MUC6: variants seen among roughly 807,000 people sequenced by gnomAD.
The protein encoded by MUC6 is mucin 6, oligomeric mucus/gel-forming (gene/pseudogene).
Under a neutral mutation model 201.5 loss-of-function variants are expected in MUC6, and 188 were observed. The observed-to-expected ratio is 0.93, with a 90% CI of 0.83 to 1.05. MUC6 has a LOEUF of 1.05. Ranked by LOEUF, MUC6 falls within the 50% of genes least tolerant of loss-of-function variation. MUC6 has a pLI of 0.00. For missense variants in MUC6, 2,706 were observed against 3,256.9 expected (o/e 0.83, Z 4.12); for synonymous variants, 1,228 against 1,389.4 (o/e 0.88, Z 2.58).
chr11:1,021,110 G>A lies in MUC6; in HGVS notation c.3589+105C>T, dbSNP rs1188649356. 9.6e-6 allele frequency: 11 copies of A among 1,148,980 alleles called. No homozygotes were observed. In the East Asian group the frequency reaches 3.0e-4, roughly 32 times the overall value. The allele number at this position is 1,148,980 out of a possible 1,614,324, so 71.2% of individuals were successfully genotyped here. ...GTGGAGTCCCAGAGCTCACGTAAGGGCTCACAGCCCCCGAGGGCTCTCTCC... is the reference window on the plus strand; with the variant it reads ...GTGGAGTCCCAGAGCTCACGTAAGGACTCACAGCCCCCGAGGGCTCTCTCC... On this transcript the variant is annotated intron_variant, in intron 27 of 32. Coordinates refer to ENST00000421673, the MANE Select transcript of MUC6 (RefSeq NM_005961.3).
In MUC6 at chr11:1,028,738, G is replaced by A. The variant is rs746306435; in HGVS notation, c.1499C>T (p.Ala500Val). ...CACGAGCTCCAGCCCGAAGCTGGTG[G>A]CCATCTGGAGGTGGGTGGACGTCTG... ...FRQTSTHLQM[A>V]TSFGLELVVQ... Residue 500 changes from alanine (A) to valine (V), a missense_variant, in exon 13 of 33, where the codon GCC becomes GTC. By Grantham distance (64) the Ala-to-Val change is moderately conservative. Transcript: ENST00000421673. 7 of 1,612,448 alleles carry A rather than the reference G, an allele frequency of 4.3e-6. No individual in the cohort carries two copies. In the East Asian group the frequency reaches 1.1e-4, roughly 26 times the overall value.
intron 26 of MUC6, among the ~76,000 whole-genome samples, chr11:1,021,506 G>C (rs549932805): frequency 6.6e-6 from 1 of 151,966 alleles, no homozygotes; most frequent in Admixed American, 6.6e-5. Flanking sequence ...AGGTAGCTGC[G>C]ATTGCAGGCA....
intron 24 of MUC6, among the ~76,000 whole-genome samples, chr11:1,024,627 G>C (rs1187969991): frequency 6.6e-6 from 1 of 152,208 alleles, no homozygotes; most frequent in Non-Finnish European, 1.5e-5. Flanking sequence ...CATCTGGTGG[G>C]TGGAGGCCGG....
chr11:1,024,169 C>T, intron 24 of MUC6, 66 bp from the exon 25 acceptor site: 2 of 1,536,866 alleles, frequency 1.3e-6, no homozygotes, highest in South Asian at 1.2e-5. Context: ...GCTTTGCCAC[C>T]TGCAGGGCCC....
Position 1,025,201 on chromosome 11 carries a change from C to G in MUC6, c.2966G>C (p.Arg989Thr), listed in dbSNP as rs1200153655. 1 of 1,612,292 alleles carries G rather than the reference C, an allele frequency of 6.2e-7. No individual in the cohort carries two copies. Among genetic ancestry groups the G allele is most frequent in the African/African-American group, 1.3e-5 (1 of 74,930 alleles). ...IWNRHMTILI[R>T]IARASQDPLC... ...CGGTACCTGGGAGGCACGGGCGATC[C>G]TGATGAGGATGGTCATGTGCCTGTT... The change falls in exon 23 of 33, where the codon AGG becomes ACG. Residue 989 changes from arginine to threonine, a missense_variant. By Grantham distance (71) the Arg-to-Thr change is moderately conservative. Coordinates refer to ENST00000421673, the MANE Select transcript of MUC6 (RefSeq NM_005961.3).
At position 1,032,068 on chromosome 11, in the gene MUC6, G is replaced by A. The variant is rs1282454426; in HGVS notation, c.116-15C>T. The A allele has an allele frequency of 1.2e-6, 2 of 1,611,720 alleles. No individual in the cohort carries two copies. Among genetic ancestry groups the A allele is most frequent in the South Asian group, 1.1e-5 (1 of 91,032 alleles). On this transcript the variant is annotated splice_polypyrimidine_tract_variant and intron_variant, in intron 2 of 32. Coordinates refer to ENST00000421673, the MANE Select transcript of MUC6 (RefSeq NM_005961.3). Reference sequence around the variant, plus strand: ...TTTGTCCGGGGCTACAGAGAGAGCAGTGCTCACACAGCCCTGTGTCCCCAC... The same window carrying A: ...TTTGTCCGGGGCTACAGAGAGAGCAATGCTCACACAGCCCTGTGTCCCCAC...
At chr11:1,028,141 G>C in intron 14 of MUC6, 82 bp from the exon 15 acceptor site, 1 of 1,534,636 alleles carries the variant, frequency 6.5e-7, no homozygotes, top group Non-Finnish European at 8.8e-7. Flanking sequence ...CACCCTGGCA[G>C]CTGGGCCTGT....
At position 1,020,147 on chromosome 11, in the gene MUC6, G is replaced by T; in HGVS notation, c.3751C>A (p.Gln1251Lys). 6.2e-7 allele frequency: 1 copy of T among 1,613,318 alleles called. No homozygotes were observed. Among genetic ancestry groups the T allele is most frequent in the East Asian group, 2.2e-5 (1 of 44,878 alleles). The change falls in exon 29 of 33, where the codon CAG becomes AAG. Residue 1251 changes from glutamine (Q) to lysine (K), a missense_variant. Physicochemically the swap from Gln to Lys is moderately conservative, Grantham distance 53. Transcript: ENST00000421673. The stretch of plus-strand genomic sequence containing the variant: ...AGCGTGGCTGGAAGGAGGGGTGTCT[G>T]GGTGGGGCTGGCAGGGGTGTGATTA... ...SSNHTPASPTQTPLLPATLTS... is the reference protein window; with the variant it reads ...SSNHTPASPTKTPLLPATLTS...
chr11:1,027,566 G>C, intron 16 of MUC6, 49 bp from the exon 17 acceptor site: 1 of 1,604,056 alleles, frequency 6.2e-7, no homozygotes, highest in Non-Finnish European at 8.5e-7. Flanking sequence ...CGGCCGGGAG[G>C]GCAATCTCGG....
intron 12 of MUC6, 37 bp from the exon 13 acceptor site, chr11:1,028,820 C>T: frequency 6.2e-7 from 1 of 1,609,134 alleles, no homozygotes; most frequent in Non-Finnish European, 8.5e-7. Flanking sequence ...GTCTGGGCTC[C>T]CTCCCCACCC....
intron 32 of MUC6, 108 bp downstream of exon 32, chr11:1,013,791 C>T (rs568158672): frequency 8.6e-4 from 1,210 of 1,400,330 alleles, no homozygotes; most frequent in Non-Finnish European, 1.1e-3. Flanking sequence ...CGCAGAGTGG[C>T]TCACCTGATG....
In MUC6 at chr11:1,013,484, A is replaced by G. The variant is rs1856525649; in HGVS notation, c.7292T>C (p.Val2431Ala). Residue 2431 changes from valine to alanine, a missense_variant, in exon 33 of 33, where the codon GTG becomes GCG. Physicochemically the swap from Val to Ala is moderately conservative, Grantham distance 64. Coordinates refer to ENST00000421673, the MANE Select transcript of MUC6 (RefSeq NM_005961.3). ...GTCTCCACAGGCCACAGAGCTGCAC[A>G]CGCAGTGGCTGAACACCTGCAGGGT... Reference protein sequence around the residue: ...VLTLQVFSHCVCSSVACGD With the variant: ...VLTLQVFSHCACSSVACGD 1.3e-6 allele frequency: 2 copies of G among 1,585,700 alleles called. No individual in the cohort carries two copies. Among genetic ancestry groups the G allele is most frequent in the African/African-American group, 1.3e-5 (1 of 74,356 alleles).
In MUC6 at chr11:1,013,606, A is replaced by G. The variant is rs2133808986; in HGVS notation, c.7170T>C (p.Asp2390=). ...ASFNIITQQV[D]ARCSCCRPLH... ...GGGGGCGGCAGCAGCTGCAGCGGGC[A>G]TCCACCTGCTGGGTGATGATGTTGA... The change falls in exon 33 of 33, where the codon GAT becomes GAC. Residue 2390 remains aspartate, a synonymous_variant. Coordinates refer to ENST00000421673, the MANE Select transcript of MUC6 (RefSeq NM_005961.3). 6.4e-7 allele frequency: 1 copy of G among 1,565,750 alleles called. No homozygotes were observed. The highest frequency in any genetic ancestry group is 8.6e-7 in the Non-Finnish European group (1 of 1,156,676).
At chr11:1,035,521 C>T (rs1857196637) in intron 1 of MUC6, among the ~76,000 whole-genome samples, 1 of 149,600 alleles carries the variant, frequency 6.7e-6, no homozygotes. Flanking sequence ...TCAGAGACCC[C>T]CATATCTCCT....
chr11:1,018,656 C>T lies in MUC6; in HGVS notation c.4145G>A (p.Arg1382Lys). The change falls in exon 31 of 33, where the codon AGG (arginine) becomes AAG (lysine). Residue 1382 changes from arginine to lysine, a missense_variant. Coordinates refer to ENST00000421673, the MANE Select transcript of MUC6 (RefSeq NM_005961.3). ...PTTPQPGQPT[R>K]PTATETTQTR... ...TTGAGTGGTCTCTGTGGCTGTGGGC[C>T]TCGTGGGTTGTCCTGGCTGTGGGGT... 5 of 1,613,032 alleles carry T rather than the reference C, an allele frequency of 3.1e-6. No individual in the cohort carries two copies. Among genetic ancestry groups the T allele is most frequent in the Non-Finnish European group, 3.4e-6 (4 of 1,179,536 alleles).
chr11:1,021,134 C>G (rs1432708293), intron 27 of MUC6, 81 bp downstream of exon 27: 43 of 1,356,600 alleles, frequency 3.2e-5, no homozygotes, highest in Non-Finnish European at 3.9e-5. Flanking sequence ...AGGGCTCTCT[C>G]CCTTGTTTGT....
chr11:1,027,479 T>G lies in MUC6; in HGVS notation c.2020A>C (p.Ser674Arg). Residue 674 changes from serine (S) to arginine (R), a missense_variant, in exon 17 of 33, where the codon AGC (serine) becomes CGC (arginine). By Grantham distance (110) the Ser-to-Arg change is moderately radical. Transcript: ENST00000421673. ...CTGNTTFSYN[S>R]QACERTCLSL... ...AGGCAGGTGCGCTCACAGGCTTGGC[T>G]GTTGTAGCTGAAGGTGGTGTTACCC... 6.2e-7 allele frequency: 1 copy of G among 1,612,498 alleles called. No individual in the cohort carries two copies. Among genetic ancestry groups the G allele is most frequent in the Non-Finnish European group, 8.5e-7 (1 of 1,179,766 alleles).
At position 1,028,796 on chromosome 11, in the gene MUC6, G is replaced by C; in HGVS notation, c.1454-13C>G. The C allele has an allele frequency of 6.2e-7, 1 of 1,609,770 alleles. No homozygotes were observed. The highest frequency in any genetic ancestry group is 2.2e-5 in the East Asian group (1 of 44,872). On this transcript the variant is annotated splice_polypyrimidine_tract_variant and intron_variant, in intron 12 of 32. Transcript: ENST00000421673. ...ACCGTGATGTTGCCTGCAGGACGCA[G>C]TGCTCAGTGGGCCGTCTGGGCTCCC...
intron 11 of MUC6, 27 bp downstream of exon 11, chr11:1,029,019 C>T (rs778026622): frequency 7.4e-6 from 12 of 1,612,708 alleles, no homozygotes; most frequent in Non-Finnish European, 1.0e-5. Context: ...GCCCTGCTGG[C>T]AGGGATGGGC....
Sources: gnomAD v4.1 joint callset for allele counts (sites outside exome capture counted in the v4.1 genomes callset) on GRCh38, gnomAD v4.1.1 for gene constraint, MANE v1.5 for transcripts, NCBI Gene and HGNC (gene_info 2026-07-23, HGNC 2026-07-21) for gene names.